GFRA2: variants seen among roughly 807,000 people sequenced by gnomAD.
The protein encoded by GFRA2 is GDNF family receptor alpha 2, also known as GDNF family receptor alpha-2.
GFRA2 carries 17 observed loss-of-function variants against 48.3 expected under a neutral mutation model. The observed-to-expected ratio is 0.35, with a 90% CI of 0.24 to 0.53. The LOEUF is 0.53. Among genes scored for constraint, GFRA2 ranks in the 20% least tolerant of loss-of-function variants. The pLI, the probability that GFRA2 is intolerant of heterozygous loss-of-function variation, is 0.93. For missense variants in GFRA2, 660 were observed against 637.3 expected (o/e 1.04, Z -0.38); for synonymous variants, 305 against 257.2 (o/e 1.19, Z -1.78).
chr8:21,738,329 C>G (rs573279959), intron 4 of GFRA2, among the ~76,000 whole-genome samples: 119 of 151,296 alleles, frequency 7.9e-4, no homozygotes, highest in African/African-American at 2.7e-3. Context: ...TGTCTGCATC[C>G]AGTGAGGCCC....
chr8:21,761,038 G>A (rs550060735), intron 3 of GFRA2, among the ~76,000 whole-genome samples: 232 of 152,218 alleles, frequency 1.5e-3, no homozygotes, highest in African/African-American at 5.3e-3. Flanking sequence ...GAGAAAGGGA[G>A]GGTCCAGGAG....
intron 6 of GFRA2, among the ~76,000 whole-genome samples, chr8:21,704,643 A>G (rs7826525): frequency 0.37 from 56,852 of 152,028 alleles, 10,792 homozygotes; most frequent in Middle Eastern, 0.48. Context: ...CCAGGGGGAA[A>G]TAAACTCGTT....
intron 1 of GFRA2, among the ~76,000 whole-genome samples, chr8:21,810,357 C>T (rs753117509): frequency 6.6e-6 from 1 of 152,164 alleles, no homozygotes; most frequent in Admixed American, 6.5e-5. Context: ...CTCCCTCTGC[C>T]CACCCCCCTC....
intron 1 of GFRA2, among the ~76,000 whole-genome samples, chr8:21,808,605 G>A (rs1316701156): frequency 6.6e-6 from 1 of 152,202 alleles, no homozygotes; most frequent in Non-Finnish European, 1.5e-5. Context: ...CAGGCACAAA[G>A]GGGATGCTCA....
chr8:21,742,146 T>C (rs1282547490), intron 4 of GFRA2, among the ~76,000 whole-genome samples: 2 of 152,130 alleles, frequency 1.3e-5, no homozygotes, highest in African/African-American at 2.4e-5. Flanking sequence ...GAAGTCTAGA[T>C]GTTATGAATG....
At position 21,714,278 on chromosome 8, in the gene GFRA2, G is replaced by T. The variant is rs566726065; in HGVS notation, c.795-8237C>A. 6.4e-5 allele frequency among the ~76,000 whole-genome samples: 4 copies of T among 62,194 alleles called. 1 individual carries two copies. Among genetic ancestry groups the T allele is most frequent in the South Asian group, 9.7e-4 (2 of 2,060 alleles). 40.8% of individuals were successfully genotyped at this position (62,194 alleles called of 152,430 possible). A position where few individuals can be genotyped will look rare whatever the true frequency, so the allele number is the denominator to read the frequency against. On this transcript the variant is annotated intron_variant, in intron 4 of 8. Coordinates refer to ENST00000524240, the MANE Select transcript of GFRA2 (RefSeq NM_001495.5). ...TTTTTTTTTTTTTTTTTGAGACAGG[G>T]TCTCACTCTGTCGCCAAGGCTGGGC...
chr8:21,693,021 C>A lies in GFRA2; in HGVS notation c.*257G>T, dbSNP rs1801946638. The A allele has an allele frequency of 6.1e-6, 2 of 330,202 alleles. No homozygotes were observed. Among genetic ancestry groups the A allele is most frequent in the African/African-American group, 2.2e-5 (1 of 46,320 alleles). 20.5% of individuals were successfully genotyped at this position (330,202 alleles called of 1,614,324 possible). The stretch of plus-strand genomic sequence containing the variant: ...AAAGTGAAGGGCATTTCTAGAGCCT[C>A]GTGCCCTCCCCGGCACCAGAGTTTC... On this transcript the variant is annotated 3_prime_UTR_variant, in exon 9 of 9. Coordinates refer to ENST00000524240, the MANE Select transcript of GFRA2 (RefSeq NM_001495.5).
At chr8:21,742,622 G>C (rs1229806505) in intron 4 of GFRA2, among the ~76,000 whole-genome samples, 1 of 152,242 alleles carries the variant, frequency 6.6e-6, no homozygotes, top group African/African-American at 2.4e-5. Context: ...TGTGAACAAT[G>C]CAAGACCAGG....
rs1234491806 is a variant in GFRA2, at chr8:21,775,031, G to C, written c.380C>G (p.Pro127Arg). ...TEGEEFYEASPYEPVTSRLSD... is the reference protein window; with the variant it reads ...TEGEEFYEASRYEPVTSRLSD... ...GAGGCGGGAGGTCACCGGCTCATAG[G>C]GGGAGGCTTCGTAGAACTCCTCACC... is the stretch of plus-strand genomic sequence containing the variant. The change falls in exon 3 of 9, where the codon CCC (proline) becomes CGC (arginine). Residue 127 changes from proline (P) to arginine (R), a missense_variant. Transcript: ENST00000524240. 3 of 1,600,868 alleles carry C rather than the reference G, an allele frequency of 1.9e-6. No homozygotes were observed. Among genetic ancestry groups the C allele is most frequent in the African/African-American group, 1.3e-5 (1 of 74,710 alleles).
chr8:21,766,249 C>T (rs945484060), intron 3 of GFRA2, among the ~76,000 whole-genome samples: 2 of 152,084 alleles, frequency 1.3e-5, no homozygotes, highest in African/African-American at 4.8e-5. Context: ...GGTTCCCAGT[C>T]ACCTCTGTCC....
intron 3 of GFRA2, among the ~76,000 whole-genome samples, chr8:21,760,876 C>T (rs921657974): frequency 2.0e-5 from 3 of 152,166 alleles, no homozygotes; most frequent in Non-Finnish European, 4.4e-5. Context: ...ATGCTGATTT[C>T]ACGGAAGGCA....
Position 21,704,976 on chromosome 8 carries a change from A to T in GFRA2, c.1045+9T>A. On this transcript the variant is annotated intron_variant, in intron 6 of 8. Transcript: ENST00000524240. ...GCTGCTGGGGTTGGGGAGAACATCCAGAACTTACGGAGGCATGGGTTCTCG... is the reference window on the plus strand; with the variant it reads ...GCTGCTGGGGTTGGGGAGAACATCCTGAACTTACGGAGGCATGGGTTCTCG... The T allele has an allele frequency of 6.2e-7, 1 of 1,606,580 alleles. No homozygotes were observed. The highest frequency in any genetic ancestry group is 8.5e-7 in the Non-Finnish European group (1 of 1,176,176).
chr8:21,760,466 C>G (rs971256950), intron 3 of GFRA2, among the ~76,000 whole-genome samples: 2 of 152,042 alleles, frequency 1.3e-5, no homozygotes, highest in Non-Finnish European at 2.9e-5. Flanking sequence ...AGAGAGAAAT[C>G]AAGAAAACCT....
At chr8:21,719,392 C>T (rs1170510751) in intron 4 of GFRA2, among the ~76,000 whole-genome samples, 8 of 152,146 alleles carry the variant, frequency 5.3e-5, no homozygotes, top group Non-Finnish European at 8.8e-5. Context: ...CCCTTCTCTC[C>T]ACTTCTCTCC....
At chr8:21,694,814 C>T (rs1023050821) in intron 7 of GFRA2, among the ~76,000 whole-genome samples, 11 of 152,326 alleles carry the variant, frequency 7.2e-5, no homozygotes, top group Middle Eastern at 3.4e-3. Flanking sequence ...ATATACTCAG[C>T]GCAACTCTTG....
intron 1 of GFRA2, among the ~76,000 whole-genome samples, chr8:21,810,587 T>C (rs1459357333): frequency 6.6e-6 from 1 of 152,112 alleles, no homozygotes; most frequent in African/African-American, 2.4e-5. Flanking sequence ...GAGCTGTCAC[T>C]CAGAGACCCC....
intron 3 of GFRA2, among the ~76,000 whole-genome samples, chr8:21,753,611 T>A (rs1472161511): frequency 6.6e-6 from 1 of 150,670 alleles, no homozygotes; most frequent in Non-Finnish European, 1.5e-5. Context: ...AAAGGGAGAC[T>A]CTGTCTCAAA....
At chr8:21,743,440 C>G (rs1316838787) in intron 4 of GFRA2, among the ~76,000 whole-genome samples, 1 of 152,128 alleles carries the variant, frequency 6.6e-6, no homozygotes, top group Non-Finnish European at 1.5e-5. Context: ...TTCAAGAGAA[C>G]CTGAGTGAAA....
intron 4 of GFRA2, among the ~76,000 whole-genome samples, chr8:21,738,904 C>A (rs1039182183): frequency 6.6e-6 from 1 of 152,220 alleles, no homozygotes; most frequent in Non-Finnish European, 1.5e-5. Context: ...CCTGAATGGA[C>A]TCCAGAGCTT....
Sources: allele counts gnomAD v4.1 joint callset (sites outside exome capture counted in the v4.1 genomes callset), GRCh38; gene constraint gnomAD v4.1.1; transcripts MANE v1.5; gene names NCBI Gene and HGNC (gene_info 2026-07-23, HGNC 2026-07-21).